RTN3: variants seen among roughly 807,000 people sequenced by gnomAD.
RTN3 encodes the protein reticulon 3.
Under a neutral mutation model 77.8 loss-of-function variants are expected in RTN3, and 49 were observed. The observed-to-expected ratio is 0.63, with a 90% CI of 0.50 to 0.80. The LOEUF (loss-of-function observed/expected upper bound fraction) is 0.80. Among genes scored for constraint, RTN3 ranks in the 30% least tolerant of loss-of-function variants. The pLI is 0.00. For synonymous variants in RTN3, 464 were observed against 446.9 expected (o/e 1.04, Z -0.48); for missense variants, 1,236 against 1,211.9 (o/e 1.02, Z -0.29).
At chr11:63,690,400 T>C (rs1941593147) in intron 1 of RTN3, among the ~76,000 whole-genome samples, 2 of 152,200 alleles carry the variant, frequency 1.3e-5, no homozygotes, top group African/African-American at 4.8e-5. Flanking sequence ...TGAAGGCTCT[T>C]TGCCAGGTGC....
At chr11:63,703,926 G>C (rs939814610) in intron 1 of RTN3, among the ~76,000 whole-genome samples, 1 of 152,234 alleles carries the variant, frequency 6.6e-6, no homozygotes, top group Admixed American at 6.5e-5. Flanking sequence ...TGTGCAGGGG[G>C]ACTGGGAGGA....
chr11:63,731,983 A>G (rs1590857409), intron 3 of RTN3, among the ~76,000 whole-genome samples: 1 of 152,172 alleles, frequency 6.6e-6, no homozygotes, highest in East Asian at 1.9e-4. Context: ...ATATTGGAAA[A>G]GACAAAAATC....
rs2011580856 is a variant in RTN3 at position 63,719,282 on chromosome 11, A to G, written c.780A>G (p.Glu260=). The stretch of plus-strand genomic sequence containing the variant: ...TTGACAAAGCAGCATTTGACAAAGA[A>G]TTTAAAGACTCATATAAGGAGAGCA... ...VIIDKAAFDK[E]FKDSYKESTD... Residue 260 remains glutamate, a synonymous_variant, in exon 3 of 9, where the codon GAA becomes GAG. Transcript: ENST00000377819. The G allele has an allele frequency of 6.2e-7, 1 of 1,614,172 alleles. No homozygotes were observed. The highest frequency in any genetic ancestry group is 8.5e-7 in the Non-Finnish European group (1 of 1,180,028).
intron 1 of RTN3, among the ~76,000 whole-genome samples, chr11:63,701,460 A>T (rs1590800508): frequency 6.6e-6 from 1 of 152,268 alleles, no homozygotes; most frequent in South Asian, 2.1e-4. Flanking sequence ...GTATAATGAA[A>T]CTCAGGGTAT....
intron 7 of RTN3, 47 bp from the exon 8 acceptor site, chr11:63,756,064 TG>T: frequency 2.2e-6 from 3 of 1,335,814 alleles, no homozygotes; most frequent in Non-Finnish European, 3.2e-6. Context: ...TCAGGAAAAT[TG>T]GTGATCTGTA....
At chr11:63,754,850 C>G (rs2014287564) in intron 7 of RTN3, among the ~76,000 whole-genome samples, 1 of 142,728 alleles carries the variant, frequency 7.0e-6, no homozygotes, top group African/African-American at 2.6e-5. Flanking sequence ...ATGGCATGAA[C>G]CTGGGAGGTG....
intron 2 of RTN3, among the ~76,000 whole-genome samples, chr11:63,717,923 G>C (rs2134812579): frequency 6.6e-6 from 1 of 151,690 alleles, no homozygotes; most frequent in Non-Finnish European, 1.5e-5. Flanking sequence ...GCTGAGGCAG[G>C]AGAATGGCTT....
intron 3 of RTN3, among the ~76,000 whole-genome samples, chr11:63,749,768 A>G (rs2014000864): frequency 6.6e-6 from 1 of 152,234 alleles, no homozygotes; most frequent in Non-Finnish European, 1.5e-5. Context: ...ACACACCTGT[A>G]GTCTGGCTAC....
At position 63,721,053 on chromosome 11, in the gene RTN3, A is replaced by G. The variant is rs138542562; in HGVS notation, c.2530+21A>G. On this transcript the variant is annotated intron_variant, in intron 3 of 8. Transcript: ENST00000377819. The stretch of plus-strand genomic sequence containing the variant: ...CTCAGGTAACCATTTATATTAGAAT[A>G]CTGCATGTGGTTAATTCTGTGATTG... 325 of 1,553,024 alleles carry G rather than the reference A, an allele frequency of 2.1e-4. 1 individual carries two copies. In the African/African-American group the frequency reaches 4.0e-3, roughly 19 times the overall value.
intron 2 of RTN3, among the ~76,000 whole-genome samples, chr11:63,708,612 G>T (rs1371948381): frequency 6.6e-6 from 1 of 152,152 alleles, no homozygotes; most frequent in African/African-American, 2.4e-5. Flanking sequence ...AGTAAATTTT[G>T]TGATATTTAC....
intron 2 of RTN3, among the ~76,000 whole-genome samples, chr11:63,716,741 G>A (rs889324111): frequency 1.3e-5 from 2 of 152,078 alleles, no homozygotes; most frequent in Non-Finnish European, 2.9e-5. Flanking sequence ...CGAGGCAGGC[G>A]GATCACGGGG....
intron 3 of RTN3, among the ~76,000 whole-genome samples, chr11:63,747,819 A>G (rs1223364760): frequency 2.0e-5 from 3 of 152,202 alleles, no homozygotes; most frequent in African/African-American, 7.2e-5. Context: ...TCTAGGAGGT[A>G]GATTTCATTT....
chr11:63,715,933 C>T (rs950103774), intron 2 of RTN3, among the ~76,000 whole-genome samples: 1 of 152,168 alleles, frequency 6.6e-6, no homozygotes, highest in East Asian at 1.9e-4. Context: ...TACTGGGCTT[C>T]ATTTCTGTTA....
At chr11:63,688,607 A>G (rs1330457663) in intron 1 of RTN3, among the ~76,000 whole-genome samples, 2 of 152,148 alleles carry the variant, frequency 1.3e-5, no homozygotes, top group Non-Finnish European at 2.9e-5. Flanking sequence ...CAACCAATCT[A>G]CATACATTTA....
chr11:63,696,879 TTC>T (rs145238047), intron 1 of RTN3, among the ~76,000 whole-genome samples: 33,852 of 54,082 alleles, frequency 0.63, 11,030 homozygotes, highest in East Asian at 0.88. Context: ...CTTTCTTTCT[TTC>T]TTTTTTTTTT....
intron 3 of RTN3, among the ~76,000 whole-genome samples, chr11:63,725,991 A>G (rs929396848): frequency 6.6e-6 from 1 of 152,222 alleles, no homozygotes; most frequent in Non-Finnish European, 1.5e-5. Context: ...CAAACAAGGA[A>G]TACAAAATAA....
intron 1 of RTN3, among the ~76,000 whole-genome samples, chr11:63,700,983 G>T (rs1046105408): frequency 6.6e-6 from 1 of 151,566 alleles, no homozygotes; most frequent in African/African-American, 2.4e-5. Context: ...CCAGCTACTC[G>T]GGAGGCTGAG....
intron 3 of RTN3, among the ~76,000 whole-genome samples, chr11:63,735,601 T>TCTCTCTCTCTCTCTCTC (rs1590864655): frequency 6.8e-6 from 1 of 146,394 alleles, no homozygotes; most frequent in African/African-American, 2.6e-5. Flanking sequence ...TCTCTCTCTC[T>TCTCTCTCTCTCTCTCTC]TTCTTTCAAC....
At chr11:63,684,129 GTTTTTTTT>G (rs61663789) in intron 1 of RTN3, among the ~76,000 whole-genome samples, 16 of 85,254 alleles carry the variant, frequency 1.9e-4, no homozygotes, top group Non-Finnish European at 2.8e-4. Context: ...TTTTCTTTTG[GTTTTTTTT>G]TTTTTTTTTT....
Sources: allele counts gnomAD v4.1 joint callset (sites outside exome capture counted in the v4.1 genomes callset), GRCh38; gene constraint gnomAD v4.1.1; transcripts MANE v1.5; gene names NCBI Gene and HGNC (gene_info 2026-07-23, HGNC 2026-07-21).